INTS1: variants seen among roughly 807,000 people sequenced by gnomAD.
The protein encoded by INTS1 is integrator complex subunit 1.
In INTS1, 137 loss-of-function variants were observed where a neutral mutation model predicts 241.6. The ratio of observed to expected loss-of-function variants is 0.57; its 90% CI spans 0.49 to 0.65. The LOEUF is 0.65. Ranked by LOEUF, INTS1 falls within the 30% of genes least tolerant of loss-of-function variation. INTS1 has a pLI of 0.00. For missense variants in INTS1, 3,073 were observed against 3,032.2 expected (o/e 1.01, Z -0.32); for synonymous variants, 1,692 against 1,337.8 (o/e 1.26, Z -5.78).
intron 29 of INTS1, 143 bp from the exon 30 acceptor site, chr7:1,480,584 G>T: frequency 1.1e-6 from 1 of 951,518 alleles, no homozygotes; most frequent in Non-Finnish European, 1.5e-6. Flanking sequence ...GTTCCCCAAG[G>T]ACCCCAGGTC....
intron 12 of INTS1, 56 bp downstream of exon 12, chr7:1,496,100 C>T: frequency 1.4e-6 from 2 of 1,419,996 alleles, no homozygotes; most frequent in South Asian, 1.2e-5. Flanking sequence ...CCGCCAGCCA[C>T]CAGCCTGGAC....
At chr7:1,484,693 T>A (rs745784612) in intron 24 of INTS1, among the ~76,000 whole-genome samples, 29 of 152,198 alleles carry the variant, frequency 1.9e-4, no homozygotes, top group Non-Finnish European at 3.2e-4. Context: ...ATGGCTCAGA[T>A]TCCACCCTGC....
chr7:1,493,253 G>A lies in INTS1; in HGVS notation c.2069-147C>T. Reference sequence around the variant, plus strand: ...CGCAGGCCTGAGCAGGAGAGCTGGGGGAAGCTTGGCTTCTCACTGGGAAAC... The same window carrying A: ...CGCAGGCCTGAGCAGGAGAGCTGGGAGAAGCTTGGCTTCTCACTGGGAAAC... On this transcript the variant is annotated intron_variant, in intron 15 of 47. Coordinates refer to ENST00000404767, the MANE Select transcript of INTS1 (RefSeq NM_001080453.3). This position sits in a 1 kb window ranked among gnomAD's most constrained non-coding sequence, Gnocchi z 5.3. 1 of 653,704 alleles carries A rather than the reference G, an allele frequency of 1.5e-6. No homozygotes were observed. The highest frequency in any genetic ancestry group is 2.7e-6 in the Non-Finnish European group (1 of 374,366). 40.5% of individuals were successfully genotyped at this position (653,704 alleles called of 1,614,324 possible). A position where few individuals can be genotyped will look rare whatever the true frequency, so the allele number is the denominator to read the frequency against.
chr7:1,498,466 G>C lies in INTS1; in HGVS notation c.1371C>G (p.Asn457Lys). The change falls in exon 10 of 48, where the codon AAC (asparagine) becomes AAG (lysine). Residue 457 changes from asparagine (N) to lysine (K), a missense_variant. By Grantham distance (94) the Asn-to-Lys change is moderately conservative. Transcript: ENST00000404767. ...GTGCGGTATAGAGGACCTGCATGTTGTTCGGGTTCCGGGCGCTGGAGAGCT... is the reference window on the plus strand; with the variant it reads ...GTGCGGTATAGAGGACCTGCATGTTCTTCGGGTTCCGGGCGCTGGAGAGCT... ...FNELSSARNP[N>K]NMQVLYTALQ... 1 of 1,613,940 alleles carries C rather than the reference G, an allele frequency of 6.2e-7. No individual in the cohort carries two copies. Among genetic ancestry groups the C allele is most frequent in the Non-Finnish European group, 8.5e-7 (1 of 1,179,888 alleles).
Position 1,493,647 on chromosome 7 carries a change from A to C in INTS1, c.2068+107T>G. ...CTCCCGGGGACCCAGGACCCAGCTG[A>C]AGCGCAGCTTTGTGGAGCGCCCCAG... On this transcript the variant is annotated intron_variant, in intron 15 of 47. Transcript: ENST00000404767. This position sits in a 1 kb window ranked among gnomAD's most constrained non-coding sequence, Gnocchi z 5.3. 1 of 1,399,360 alleles carries C rather than the reference A, an allele frequency of 7.1e-7. No homozygotes were observed. Among genetic ancestry groups the C allele is most frequent in the Non-Finnish European group, 9.4e-7 (1 of 1,060,220 alleles). 86.7% of individuals were successfully genotyped at this position (1,399,360 alleles called of 1,614,324 possible). A position where few individuals can be genotyped will look rare whatever the true frequency, so the allele number is the denominator to read the frequency against.
At position 1,481,943 on chromosome 7, in the gene INTS1, G is replaced by A. The variant is rs991417270; in HGVS notation, c.3704-455C>T. 2.0e-5 allele frequency among the ~76,000 whole-genome samples: 3 copies of A among 152,172 alleles called. No homozygotes were observed. The highest frequency in any genetic ancestry group is 7.2e-5 in the African/African-American group (3 of 41,434). On this transcript the variant is annotated intron_variant, in intron 27 of 47. Transcript: ENST00000404767. This position sits in a 1 kb window ranked among gnomAD's most constrained non-coding sequence, Gnocchi z 6.8. ...TGGTGGCACGGCGCAGTACACTTCC[G>A]AAGCTGCACGCAGGCTGCTGTGACT...
rs10248454 is a variant in INTS1 at position 1,478,230 on chromosome 7, G to A, written c.4630+136C>T. 5,537 of 999,414 alleles carry A rather than the reference G, an allele frequency of 5.5e-3. 138 individuals are homozygous for A. In the African/African-American group the frequency reaches 0.06, roughly 11 times the overall value. 61.9% of individuals were successfully genotyped at this position (999,414 alleles called of 1,614,324 possible). A position where few individuals can be genotyped will look rare whatever the true frequency, so the allele number is the denominator to read the frequency against. On this transcript the variant is annotated intron_variant, in intron 33 of 47. Coordinates refer to ENST00000404767, the MANE Select transcript of INTS1 (RefSeq NM_001080453.3). Reference sequence around the variant, plus strand: ...AGGCCCCGCCCTGAGCCATCTGGGAGGGGACCTCTGTGGGCACTTTCCGGG... The same window carrying A: ...AGGCCCCGCCCTGAGCCATCTGGGAAGGGACCTCTGTGGGCACTTTCCGGG...
intron 45 of INTS1, 41 bp from the exon 46 acceptor site, chr7:1,471,265 C>T (rs1162359293): frequency 2.0e-6 from 3 of 1,533,816 alleles, no homozygotes; most frequent in African/African-American, 2.7e-5. Flanking sequence ...CCAAGGGGTC[C>T]AGCCCCCATC....
Position 1,487,747 on chromosome 7 carries a change from G to A in INTS1, c.2516+13C>T. 6.2e-7 allele frequency: 1 copy of A among 1,605,626 alleles called. No individual in the cohort carries two copies. The highest frequency in any genetic ancestry group is 8.5e-7 in the Non-Finnish European group (1 of 1,179,628). ...GACGGCAGGCGCAGGGCGGGGCTGT[G>A]TGGGCTGCGTACTGGGGGTCCAGGC... is the stretch of plus-strand genomic sequence containing the variant. On this transcript the variant is annotated intron_variant, in intron 19 of 47. Coordinates refer to ENST00000404767, the MANE Select transcript of INTS1 (RefSeq NM_001080453.3).
At chr7:1,477,456 G>C in intron 35 of INTS1, 94 bp downstream of exon 35, 6 of 1,410,246 alleles carry the variant, frequency 4.3e-6, no homozygotes, top group Non-Finnish European at 4.7e-6. Context: ...TGGGGCCCCT[G>C]CAAGGCTCGC....
Position 1,471,119 on chromosome 7 carries a change from G to A in INTS1, c.6347+14C>T, listed in dbSNP as rs768551421. ...CAGCGGTGGCGGCGGGACAGAGGCC[G>A]GCGGTGGCCTCACCTGGGGCTGTTC... is the stretch of plus-strand genomic sequence containing the variant. On this transcript the variant is annotated intron_variant, in intron 46 of 47. Transcript: ENST00000404767. The A allele has an allele frequency of 1.3e-5, 20 of 1,554,090 alleles. No individual in the cohort carries two copies. Among genetic ancestry groups the A allele is most frequent in the Admixed American group, 1.2e-4 (6 of 52,000 alleles).
chr7:1,489,919 G>A (rs934791979), intron 16 of INTS1, among the ~76,000 whole-genome samples: 10 of 152,088 alleles, frequency 6.6e-5, no homozygotes, highest in Admixed American at 3.3e-4. Flanking sequence ...TCTACAAAAC[G>A]GGAGCGGTGG....
chr7:1,488,222 G>A (rs756383869), intron 18 of INTS1, among the ~76,000 whole-genome samples: 30 of 152,248 alleles, frequency 2.0e-4, no homozygotes, highest in Non-Finnish European at 2.4e-4. Context: ...CAAGGCCAGC[G>A]GTGTCAGAAC....
chr7:1,474,690 C>T lies in INTS1; in HGVS notation c.5636+15G>A. Reference sequence around the variant, plus strand: ...AAACCAGTGTCTGGCGAGGGCAGGGCTTCTGGGACAGCACCTGAGCAGCAG... The same window carrying T: ...AAACCAGTGTCTGGCGAGGGCAGGGTTTCTGGGACAGCACCTGAGCAGCAG... On this transcript the variant is annotated intron_variant, in intron 40 of 47. Transcript: ENST00000404767. 1.3e-6 allele frequency: 2 copies of T among 1,554,790 alleles called. No homozygotes were observed. The highest frequency in any genetic ancestry group is 1.2e-5 in the South Asian group (1 of 84,334).
chr7:1,480,703 G>T, intron 29 of INTS1, 132 bp downstream of exon 29: 1 of 782,206 alleles, frequency 1.3e-6, no homozygotes, highest in Non-Finnish European at 2.0e-6. Context: ...GCCCCTCTCA[G>T]GTGGCATCAG....
intron 41 of INTS1, 55 bp from the exon 42 acceptor site, chr7:1,473,748 A>C: frequency 6.2e-7 from 1 of 1,605,682 alleles, no homozygotes; most frequent in Non-Finnish European, 8.5e-7. Context: ...GCCAAAACAG[A>C]GCCTGTGCTC....
rs10241178 is a variant in INTS1, at chr7:1,492,899, C to G, written c.2165+111G>C. 2.0e-4 allele frequency: 101 copies of G among 506,148 alleles called. 1 individual carries two copies. Among genetic ancestry groups the G allele is most frequent in the Middle Eastern group, 5.2e-4 (1 of 1,908 alleles). 31.4% of individuals were successfully genotyped at this position (506,148 alleles called of 1,614,324 possible). A position where few individuals can be genotyped will look rare whatever the true frequency, so the allele number is the denominator to read the frequency against. ...CCGGGCGGGAGTGGGGAGCGGGGCG[C>G]AGGCTTACCCGGGCGGGAGTGGGGA... On this transcript the variant is annotated intron_variant, in intron 16 of 47. Transcript: ENST00000404767.
chr7:1,482,646 G>A lies in INTS1; in HGVS notation c.3603C>T (p.Pro1201=), dbSNP rs774421653. ...CCGATGTGTCCACCAGGAAGGCGGT[G>A]GGCAGTGGCTTCTCCTCCGGAAACC... ...DIWFPEEKPL[P]TAFLVDTSEE... The change falls in exon 27 of 48, where the codon CCC becomes CCT. Residue 1201 remains proline, a synonymous_variant. Coordinates refer to ENST00000404767, the MANE Select transcript of INTS1 (RefSeq NM_001080453.3). The A allele has an allele frequency of 1.9e-6, 3 of 1,612,882 alleles. No individual in the cohort carries two copies. Among genetic ancestry groups the A allele is most frequent in the Admixed American group, 1.7e-5 (1 of 60,028 alleles).
intron 3 of INTS1, among the ~76,000 whole-genome samples, chr7:1,502,412 C>T (rs1783230428): frequency 6.6e-6 from 1 of 152,138 alleles, no homozygotes; most frequent in African/African-American, 2.4e-5. Context: ...TACATTCCCC[C>T]GTTGATGTCC....
Sources: allele counts gnomAD v4.1 joint callset (sites outside exome capture counted in the v4.1 genomes callset), GRCh38; gene constraint gnomAD v4.1.1; non-coding constraint Gnocchi (gnomAD v3.1); transcripts MANE v1.5; gene names NCBI Gene and HGNC (gene_info 2026-07-23, HGNC 2026-07-21).